The following RAD17 variants were observed in gnomAD, a reference collection of about 807,000 sequenced individuals.
RAD17 encodes RAD17 checkpoint clamp loader component.
In RAD17, 31 loss-of-function variants were observed where a neutral mutation model predicts 81.5. The observed-to-expected ratio is 0.38, with a 90% CI of 0.29 to 0.51. The LOEUF is 0.51. RAD17 is among the 20% of genes least tolerant of loss of function. The probability of loss-of-function intolerance (pLI) is 0.88; values close to 1 mark genes in which losing one functional copy is unlikely to be tolerated. For synonymous variants in RAD17, 261 were observed against 266.2 expected, an observed-to-expected ratio of 0.98 and a Z score of 0.19; for missense variants, 681 against 781.2, an observed-to-expected ratio of 0.87 and a Z score of 1.53.
At chr5:69,407,570 T>TTG (rs1369710276) in intron 17 of RAD17, among the ~76,000 whole-genome samples, 7 of 122,508 alleles carry the variant, frequency 5.7e-5, no homozygotes, top group Non-Finnish European at 1.0e-4. Flanking sequence ...AAGTTTTTTT[T>TTG]TTTTTTTTTT....
chr5:69,386,835 A>G (rs1764242759), intron 11 of RAD17, among the ~76,000 whole-genome samples: 1 of 151,958 alleles, frequency 6.6e-6, no homozygotes, highest in African/African-American at 2.4e-5. Flanking sequence ...ATGGTGAAAA[A>G]CATGTATCAT....
intron 5 of RAD17, 57 bp from the exon 6 acceptor site, chr5:69,374,571 G>C: frequency 7.7e-7 from 1 of 1,294,602 alleles, no homozygotes. Flanking sequence ...ATGTGCTGAT[G>C]TACCAAAAAA....
At position 69,379,791 on chromosome 5, in the gene RAD17, C is replaced by T. The variant is rs186617450; in HGVS notation, c.352-2110C>T. ...TCCACTGGAAGGTCTTCAGAGGCAA[C>T]AACACGTAAGGAGCTGTCATCTCTT... On this transcript the variant is annotated intron_variant, in intron 6 of 18. Transcript: ENST00000354868. Among the ~76,000 whole-genome samples the T allele has an allele frequency of 5.7e-3, 872 of 152,238 alleles. 6 individuals carry two copies. The highest frequency in any genetic ancestry group is 9.6e-3 in the Non-Finnish European group (656 of 68,004).
intron 18 of RAD17, among the ~76,000 whole-genome samples, 159 bp from the exon 19 acceptor site, chr5:69,413,872 T>C (rs1242424889): frequency 6.6e-6 from 1 of 152,244 alleles, no homozygotes; most frequent in Non-Finnish European, 1.5e-5. Context: ...TTATTCAGTT[T>C]GTCATTTACC....
At chr5:69,404,786 G>A (rs1237628114) in intron 17 of RAD17, among the ~76,000 whole-genome samples, 1 of 150,518 alleles carries the variant, frequency 6.6e-6, no homozygotes, top group Non-Finnish European at 1.5e-5. Flanking sequence ...AAAAAAAATA[G>A]ATAAAATTAG....
chr5:69,373,826 TCAGG>T lies in RAD17; in HGVS notation c.10-3_10del. On this transcript the variant is annotated splice_acceptor_variant and splice_polypyrimidine_tract_variant and coding_sequence_variant and intron_variant, in exon 5 of 19. Transcript: ENST00000354868. LOFTEE classifies it high-confidence loss of function. ...TATATTTACATGATTTCTTTTTTTT[TCAGG>T]TAACAGACTGGGTTGACCCATCATT... The T allele has an allele frequency of 6.3e-7, 1 of 1,594,416 alleles. No individual in the cohort carries two copies. Among genetic ancestry groups the T allele is most frequent in the Non-Finnish European group, 8.5e-7 (1 of 1,172,962 alleles).
chr5:69,410,965 C>CCATATATATATATATATATATATA (rs1554044687), intron 18 of RAD17, among the ~76,000 whole-genome samples: 1 of 90,262 alleles, frequency 1.1e-5, no homozygotes, highest in African/African-American at 4.9e-5. Flanking sequence ...AGATGTCTGT[C>CCATATATATATATATATATATATA]TATATATATA....
intron 15 of RAD17, among the ~76,000 whole-genome samples, chr5:69,395,212 T>G (rs1178036946): frequency 1.3e-5 from 2 of 152,122 alleles, no homozygotes; most frequent in African/African-American, 4.8e-5. Flanking sequence ...ATAAATAAAT[T>G]AAAAGGATAG....
chr5:69,400,930 C>T (rs956400868), intron 17 of RAD17, among the ~76,000 whole-genome samples: 2 of 150,190 alleles, frequency 1.3e-5, no homozygotes, highest in African/African-American at 4.9e-5. Flanking sequence ...TGAGGTCTGT[C>T]TCAAAAAAAC....
chr5:69,393,384 G>A lies in RAD17; in HGVS notation c.1306G>A (p.Asp436Asn), dbSNP rs1333466899. 1 of 1,600,336 alleles carries A rather than the reference G, an allele frequency of 6.2e-7. No homozygotes were observed. Among genetic ancestry groups the A allele is most frequent in the Admixed American group, 1.7e-5 (1 of 57,400 alleles). The change falls in exon 15 of 19, where the codon GAC becomes AAC. Residue 436 changes from aspartate to asparagine, a missense_variant. Asp to Asn is a conservative substitution (Grantham distance 23, BLOSUM62 1). Coordinates refer to ENST00000354868, the MANE Select transcript of RAD17 (RefSeq NM_133338.3). ...AGTAGAAATGTCACACATGCCTGGAGACTTATTTAATTTATATCTTCACCA... is the reference window on the plus strand; with the variant it reads ...AGTAGAAATGTCACACATGCCTGGAAACTTATTTAATTTATATCTTCACCA... ...EVVEMSHMPG[D>N]LFNLYLHQNY... is the part of the protein sequence containing the mutation.
In RAD17 at chr5:69,414,080, G is replaced by A. The variant is rs1218883204; in HGVS notation, c.1801G>A (p.Asp601Asn). ...CAGGGAACATGGAATGATAGACCCT[G>A]ACAGCGGAGATGAAGCCCAGCTTAA... ...TDREHGMIDP[D>N]SGDEAQLNGG... The change falls in exon 19 of 19, where the codon GAC becomes AAC. Residue 601 changes from aspartate (D) to asparagine (N), a missense_variant. Physicochemically the swap from Asp to Asn is conservative, Grantham distance 23. Transcript: ENST00000354868. 3 of 1,614,206 alleles carry A rather than the reference G, an allele frequency of 1.9e-6. No homozygotes were observed. Among genetic ancestry groups the A allele is most frequent in the Non-Finnish European group, 2.5e-6 (3 of 1,180,034 alleles).
chr5:69,402,784 A>G (rs758220544), intron 17 of RAD17, among the ~76,000 whole-genome samples: 3 of 152,040 alleles, frequency 2.0e-5, no homozygotes, highest in Admixed American at 6.6e-5. Context: ...CTCTCTCTTT[A>G]TAAGCATGCA....
chr5:69,390,726 G>A (rs1020143150), intron 12 of RAD17, among the ~76,000 whole-genome samples: 11 of 151,900 alleles, frequency 7.2e-5, no homozygotes, highest in African/African-American at 2.7e-4. Flanking sequence ...AGACTGAGGT[G>A]GAAGAAAGCT....
intron 6 of RAD17, among the ~76,000 whole-genome samples, 174 bp from the exon 7 acceptor site, chr5:69,381,725 AAG>A (rs960174057): frequency 2.0e-5 from 3 of 152,210 alleles, no homozygotes; most frequent in African/African-American, 7.2e-5. Flanking sequence ...ATTTTTAAAA[AAG>A]AAAAAAATAA....
chr5:69,369,983 G>C, intron 1 of RAD17, 50 bp downstream of exon 1: 3 of 453,322 alleles, frequency 6.6e-6, no homozygotes, highest in Admixed American at 4.3e-5. Flanking sequence ...TTAGAGACGT[G>C]AGTCTATCTC....
At chr5:69,389,815 T>G (rs1764434336) in intron 12 of RAD17, among the ~76,000 whole-genome samples, 1 of 152,124 alleles carries the variant, frequency 6.6e-6, no homozygotes, top group South Asian at 2.1e-4. Flanking sequence ...TAATTGTATT[T>G]TTAATAGAGA....
At chr5:69,373,686 A>ATTTT (rs56385833) in intron 4 of RAD17, 144 bp from the exon 5 acceptor site, 8 of 251,908 alleles carry the variant, frequency 3.2e-5, no homozygotes, top group African/African-American at 3.0e-4. Flanking sequence ...TCTCAAAAAA[A>ATTTT]TTTTTTTTTT....
At chr5:69,388,586 A>G (rs2150822466) in intron 11 of RAD17, among the ~76,000 whole-genome samples, 2 of 152,278 alleles carry the variant, frequency 1.3e-5, no homozygotes, top group Middle Eastern at 6.8e-3. Context: ...AGTGTTTAGC[A>G]TGAAGGCTTT....
intron 17 of RAD17, among the ~76,000 whole-genome samples, chr5:69,409,656 T>G (rs1268895395): frequency 6.6e-6 from 1 of 152,188 alleles, no homozygotes; most frequent in Non-Finnish European, 1.5e-5. Context: ...ATGTCATTCT[T>G]TTTCTTTTTG....
Sources: allele counts gnomAD v4.1 joint callset (sites outside exome capture counted in the v4.1 genomes callset), GRCh38; gene constraint gnomAD v4.1.1; transcripts MANE v1.5; gene names NCBI Gene and HGNC (gene_info 2026-07-23, HGNC 2026-07-21).